The following STRBP variants were observed in gnomAD, a reference collection of about 807,000 sequenced individuals.
The protein encoded by STRBP is spermatid perinuclear RNA-binding protein.
In STRBP, 13 loss-of-function variants were observed where a neutral mutation model predicts 80.1. The observed-to-expected ratio is 0.16, with a 90% CI of 0.11 to 0.26. The LOEUF is 0.26. Ranked by LOEUF, STRBP falls within the 10% of genes least tolerant of loss-of-function variation. The probability of loss-of-function intolerance (pLI) is 1.00; values close to 1 mark genes in which losing one functional copy is unlikely to be tolerated. For synonymous variants in STRBP, 284 were observed against 291.2 expected, an observed-to-expected ratio of 0.98 and a Z score of 0.25; for missense variants, 485 against 815.2, an observed-to-expected ratio of 0.59 and a Z score of 4.93.
intron 11 of STRBP, among the ~76,000 whole-genome samples, chr9:123,154,778 T>C (rs181571847): frequency 6.6e-6 from 1 of 152,184 alleles, no homozygotes. Context: ...CTGATTAGAA[T>C]AGGTTCAATG....
intron 2 of STRBP, among the ~76,000 whole-genome samples, chr9:123,234,187 C>A (rs1373085288): frequency 7.4e-6 from 1 of 135,400 alleles, no homozygotes; most frequent in African/African-American, 2.8e-5. Context: ...GGCGACAGAG[C>A]GAGACGCCGT....
At chr9:123,113,551 C>G (rs896106482) in intron 3 of STRBP, 4 of 167,324 alleles carry the variant, frequency 2.4e-5, no homozygotes, top group Middle Eastern at 3.1e-3. Context: ...GCCACCTGCT[C>G]TCCTCTTCCA....
Position 123,123,894 on chromosome 9 carries a change from C to T in STRBP, c.*1703G>A. On this transcript the variant is annotated 3_prime_UTR_variant, in exon 19 of 19. Transcript: ENST00000348403. ...ACGCATCAATGAAACATGAAAACTCCCAGCTGAAATGGGCCCTCTTGTTTA... is the reference window on the plus strand; with the variant it reads ...ACGCATCAATGAAACATGAAAACTCTCAGCTGAAATGGGCCCTCTTGTTTA... 4.1e-6 allele frequency: 4 copies of T among 985,394 alleles called. No individual in the cohort carries two copies. The highest frequency in any genetic ancestry group is 4.8e-6 in the Non-Finnish European group (4 of 829,932). 61.0% of individuals were successfully genotyped at this position (985,394 alleles called of 1,614,324 possible). A position where few individuals can be genotyped will look rare whatever the true frequency, so the allele number is the denominator to read the frequency against.
At chr9:123,160,864 G>T in intron 7 of STRBP, 113 bp downstream of exon 7, 1 of 793,688 alleles carries the variant, frequency 1.3e-6, no homozygotes, top group Non-Finnish European at 2.0e-6. Flanking sequence ...CACACTATGA[G>T]CTAGAAAGCA....
chr9:123,128,821 A>C (rs2036006891), intron 17 of STRBP, among the ~76,000 whole-genome samples: 1 of 152,236 alleles, frequency 6.6e-6, no homozygotes, highest in South Asian at 2.1e-4. Context: ...CCCAAGGGCA[A>C]GGTCTATGAC....
At chr9:123,177,041 C>G (rs1046352765) in intron 4 of STRBP, among the ~76,000 whole-genome samples, 1 of 152,210 alleles carries the variant, frequency 6.6e-6, no homozygotes, top group Non-Finnish European at 1.5e-5. Flanking sequence ...CCCCACCCAT[C>G]TCTGTGTCCT....
chr9:123,204,980 T>C (rs1346242593), intron 2 of STRBP, among the ~76,000 whole-genome samples: 1 of 146,620 alleles, frequency 6.8e-6, no homozygotes, highest in Non-Finnish European at 1.5e-5. Flanking sequence ...ATTCAAATAT[T>C]CGGCCAGGCA....
chr9:123,148,883 A>G lies in STRBP; in HGVS notation c.1046-1013T>C, dbSNP rs75560158. On this transcript the variant is annotated intron_variant, in intron 11 of 18. Coordinates refer to ENST00000348403, the MANE Select transcript of STRBP (RefSeq NM_018387.5). ...TACCTTAACACAAGACTTAGAAGCA[A>G]CATAATGGGCACTGAGCAAAAACTA... Among the ~76,000 whole-genome samples the G allele has an allele frequency of 3.8e-3, 583 of 152,296 alleles. 2 individuals carry two copies. The highest frequency in any genetic ancestry group is 0.013 in the African/African-American group (520 of 41,552).
In STRBP at chr9:123,200,762, T is replaced by TTTTTTTTTTTTTTTA. The variant is rs1554762956; in HGVS notation, c.-164-16465_-164-16464insTAAAAAAAAAAAAAA. Among the ~76,000 whole-genome samples the TTTTTTTTTTTTTTTA allele has an allele frequency of 9.0e-5, 12 of 133,552 alleles. 1 individual carries two copies. Among genetic ancestry groups the TTTTTTTTTTTTTTTA allele is most frequent in the African/African-American group, 2.9e-4 (10 of 34,234 alleles). The allele number at this position is 133,552 out of a possible 152,430, so 87.6% of individuals were successfully genotyped here. On this transcript the variant is annotated intron_variant, in intron 2 of 18. Transcript: ENST00000348403. ...TTTTTTTTTTTTTTTTTTTTTTTTT[T>TTTTTTTTTTTTTTTA]AGTAGAGACCAGGTTTCACCATGTT...
rs1554762956 is a variant in STRBP, at chr9:123,200,762, T to TTTTTTTTTTA, written c.-164-16465_-164-16464insTAAAAAAAAA. Among the ~76,000 whole-genome samples the TTTTTTTTTTA allele has an allele frequency of 6.0e-4, 80 of 133,538 alleles. 3 individuals carry two copies. The highest frequency in any genetic ancestry group is 2.3e-3 in the African/African-American group (79 of 34,220). The allele number at this position is 133,538 out of a possible 152,430, so 87.6% of individuals were successfully genotyped here. The stretch of plus-strand genomic sequence containing the variant: ...TTTTTTTTTTTTTTTTTTTTTTTTT[T>TTTTTTTTTTA]AGTAGAGACCAGGTTTCACCATGTT... On this transcript the variant is annotated intron_variant, in intron 2 of 18. Coordinates refer to ENST00000348403, the MANE Select transcript of STRBP (RefSeq NM_018387.5).
intron 13 of STRBP, 87 bp downstream of exon 13, chr9:123,146,768 T>C: frequency 1.7e-6 from 2 of 1,185,458 alleles, no homozygotes. Context: ...AAAATGTTTT[T>C]AAAAATGATA....
chr9:123,112,594 A>C (rs1055535500), intron 3 of STRBP: 2 of 167,456 alleles, frequency 1.2e-5, no homozygotes, highest in African/African-American at 4.8e-5. Flanking sequence ...AAAGCGCTAC[A>C]AACACCCCAA....
chr9:123,158,347 A>G lies in STRBP; in HGVS notation c.918T>C (p.Ile306=), dbSNP rs768615907. The G allele has an allele frequency of 2.0e-5, 33 of 1,613,462 alleles. No homozygotes were observed. In the East Asian group the frequency reaches 7.1e-4, roughly 35 times the overall value. ...SYMTIQQKED[I]THSAQHALRL... ...AATCTTCTACCTGTGCACTGTGGGT[A>G]ATATCTTCTTTTTGCTGGATGGTCA... Residue 306 remains isoleucine, a synonymous_variant, in exon 10 of 19, where the codon ATT becomes ATC. Transcript: ENST00000348403.
intron 13 of STRBP, among the ~76,000 whole-genome samples, chr9:123,142,203 G>C (rs982535134): frequency 2.0e-5 from 3 of 152,146 alleles, no homozygotes; most frequent in Non-Finnish European, 4.4e-5. Flanking sequence ...GGATCATAGG[G>C]GCAGTTTCTA....
chr9:123,238,235 G>A (rs949907471), intron 1 of STRBP, among the ~76,000 whole-genome samples: 3 of 152,254 alleles, frequency 2.0e-5, no homozygotes. Context: ...ATCGCTTGAC[G>A]CCAGGAATTC....
chr9:123,119,884 G>T (rs1307762088), downstream of STRBP, among the ~76,000 whole-genome samples: 1 of 152,140 alleles, frequency 6.6e-6, no homozygotes, highest in Non-Finnish European at 1.5e-5. Flanking sequence ...TTCTAGCTGT[G>T]CTGTAAAGCT....
chr9:123,138,892 G>T (rs1745162784), intron 14 of STRBP, among the ~76,000 whole-genome samples: 1 of 152,136 alleles, frequency 6.6e-6, no homozygotes, highest in South Asian at 2.1e-4. Context: ...GTAAGCTCTT[G>T]CTGTTACTTT....
At chr9:123,154,644 G>C (rs2037202404) in intron 11 of STRBP, among the ~76,000 whole-genome samples, 1 of 152,140 alleles carries the variant, frequency 6.6e-6, no homozygotes, top group South Asian at 2.1e-4. Flanking sequence ...ATATGGGAGA[G>C]AAAAGTGTTC....
intron 2 of STRBP, among the ~76,000 whole-genome samples, chr9:123,211,747 TAA>T (rs1353579378): frequency 2.6e-5 from 4 of 152,214 alleles, no homozygotes; most frequent in Non-Finnish European, 5.9e-5. Context: ...TGGATAACTT[TAA>T]AATATTGAAT....
Sources: allele counts gnomAD v4.1 joint callset (sites outside exome capture counted in the v4.1 genomes callset), GRCh38; gene constraint gnomAD v4.1.1; transcripts MANE v1.5; gene names NCBI Gene and HGNC (gene_info 2026-07-23, HGNC 2026-07-21).